Variants in ERBB4 observed in about 807,000 individuals in gnomAD.
ERBB4 encodes receptor tyrosine-protein kinase erbB-4.
Under a neutral mutation model 158.0 loss-of-function variants are expected in ERBB4, and 42 were observed. The ratio of observed to expected loss-of-function variants is 0.27; its 90% CI spans 0.21 to 0.34. The LOEUF is 0.34. Among genes scored for constraint, ERBB4 ranks in the 10% least tolerant of loss-of-function variants. ERBB4 has a pLI of 1.00. For synonymous variants in ERBB4, 583 were observed against 558.7 expected, an observed-to-expected ratio of 1.04 and a Z score of -0.61; for missense variants, 1,333 against 1,624.1, an observed-to-expected ratio of 0.82 and a Z score of 3.08.
rs1559703476 is a variant in ERBB4, at chr2:212,191,718, CATATA to C, written c.83-66820_83-66816del. Among the ~76,000 whole-genome samples, 311 of 146,350 alleles carry C rather than the reference CATATA, an allele frequency of 2.1e-3. 8 individuals carry two copies. Among genetic ancestry groups the C allele is most frequent in the Non-Finnish European group, 3.6e-3 (240 of 66,512 alleles). ...CATATAACACGTGTTATACATGTTA[CATATA>C]ACACGTGTTATACATGTTACATATA... On this transcript the variant is annotated intron_variant, in intron 1 of 27. Transcript: ENST00000342788.
intron 3 of ERBB4, among the ~76,000 whole-genome samples, chr2:211,815,834 G>C (rs1453761362): frequency 1.3e-5 from 2 of 152,132 alleles, no homozygotes; most frequent in African/African-American, 4.8e-5. Flanking sequence ...CAGAAGAAGG[G>C]GGATAAGCAG....
intron 2 of ERBB4, among the ~76,000 whole-genome samples, chr2:212,025,143 C>G (rs557148996): frequency 6.6e-6 from 1 of 151,868 alleles, no homozygotes; most frequent in South Asian, 2.1e-4. Context: ...TACTGGTACA[C>G]GGTAACTCCT....
intron 3 of ERBB4, among the ~76,000 whole-genome samples, chr2:211,876,220 T>C (rs571204521): frequency 1.8e-4 from 28 of 152,178 alleles, no homozygotes; most frequent in Non-Finnish European, 4.0e-4. Context: ...ACTTAGAGAA[T>C]ACCAATTTTG....
chr2:211,591,819 T>C lies in ERBB4; in HGVS notation c.2301+27358A>G, dbSNP rs187186535. 3.9e-5 allele frequency among the ~76,000 whole-genome samples: 6 copies of C among 152,350 alleles called. No homozygotes were observed. The East Asian group carries it at 1.2e-3, about 29-fold the overall frequency. ...CCCAGTGTGAATCCTGCCTGAAATA[T>C]AAAAACCATGTAACTTTAGCTAGTA... On this transcript the variant is annotated intron_variant, in intron 19 of 27. Transcript: ENST00000342788.
At chr2:212,108,705 G>GTTT (rs1559511914) in intron 2 of ERBB4, among the ~76,000 whole-genome samples, 83 of 87,410 alleles carry the variant, frequency 9.5e-4, no homozygotes, top group Middle Eastern at 7.5e-3. Context: ...AAATGGGTCT[G>GTTT]CTTTTTTTTT....
chr2:211,399,560 G>T (rs1321755540), intron 25 of ERBB4, among the ~76,000 whole-genome samples: 1 of 152,130 alleles, frequency 6.6e-6, no homozygotes, highest in African/African-American at 2.4e-5. Context: ...ATCTCATCTA[G>T]TACACTCTTC....
rs1166031214 is a variant in ERBB4 at position 211,630,577 on chromosome 2, G to A, written c.1964C>T (p.Ala655Val). ...AATGAAGAGCCCACCAATTACTCCA[G>A]CTGCAATCAGGGGAGTTCTGACAAC... The part of the protein sequence containing the change: ...PQHARTPLIA[A>V]GVIGGLFILV... Residue 655 changes from alanine to valine, a missense_variant, in exon 17 of 28, where the codon GCT becomes GTT. Transcript: ENST00000342788. 5.6e-6 allele frequency: 9 copies of A among 1,612,744 alleles called. No individual in the cohort carries two copies. Among genetic ancestry groups the A allele is most frequent in the Non-Finnish European group, 7.6e-6 (9 of 1,179,604 alleles).
chr2:212,435,390 C>T (rs535499727), intron 1 of ERBB4, among the ~76,000 whole-genome samples: 1 of 152,008 alleles, frequency 6.6e-6, no homozygotes, highest in South Asian at 2.1e-4. Context: ...TTTTGGACAC[C>T]ATAAATAATT....
chr2:211,381,325 T>C lies in ERBB4; in HGVS notation c.*2290A>G. On this transcript the variant is annotated 3_prime_UTR_variant, in exon 28 of 28. Transcript: ENST00000342788. ...TTTAATGGTGAAGTTAGACTCTAGATAGGCTAATTAGTCAGTGATGCAATA... is the reference window on the plus strand; with the variant it reads ...TTTAATGGTGAAGTTAGACTCTAGACAGGCTAATTAGTCAGTGATGCAATA... 1 of 232,318 alleles carries C rather than the reference T, an allele frequency of 4.3e-6. No individual in the cohort carries two copies. Among genetic ancestry groups the C allele is most frequent in the Non-Finnish European group, 8.5e-6 (1 of 117,460 alleles). 14.4% of individuals were successfully genotyped at this position (232,318 alleles called of 1,614,324 possible). A position where few individuals can be genotyped will look rare whatever the true frequency, so the allele number is the denominator to read the frequency against.
intron 20 of ERBB4, chr2:211,535,766 A>T (rs903481348): frequency 5.2e-5 from 8 of 152,638 alleles, no homozygotes; most frequent in Non-Finnish European, 8.8e-5. Context: ...GATTACTAAA[A>T]TCATATGTGT....
At chr2:212,209,377 T>A (rs911353980) in intron 1 of ERBB4, among the ~76,000 whole-genome samples, 1 of 152,168 alleles carries the variant, frequency 6.6e-6, no homozygotes, top group Non-Finnish European at 1.5e-5. Flanking sequence ...AAATGGCTAA[T>A]CTAAAAACAT....
At chr2:211,515,909 TATA>T (rs2066012557) in intron 20 of ERBB4, among the ~76,000 whole-genome samples, 2 of 92,444 alleles carry the variant, frequency 2.2e-5, no homozygotes, top group Admixed American at 1.1e-4. Flanking sequence ...TATATATATA[TATA>T]TTTTTTTTTT....
chr2:212,399,078 G>A (rs1362870592), intron 1 of ERBB4, among the ~76,000 whole-genome samples: 1 of 151,922 alleles, frequency 6.6e-6, no homozygotes, highest in Non-Finnish European at 1.5e-5. Flanking sequence ...CAATTAGCTG[G>A]ACTAAAGATG....
At chr2:211,835,276 C>A (rs577980668) in intron 3 of ERBB4, among the ~76,000 whole-genome samples, 20 of 152,164 alleles carry the variant, frequency 1.3e-4, no homozygotes, top group Non-Finnish European at 2.1e-4. Context: ...AGCAAATAAT[C>A]CAGATGAATA....
At chr2:211,425,629 T>C (rs1201155962) in intron 22 of ERBB4, among the ~76,000 whole-genome samples, 3 of 151,774 alleles carry the variant, frequency 2.0e-5, no homozygotes, top group Non-Finnish European at 4.4e-5. Context: ...AGAATATATA[T>C]ATATGTTTTA....
intron 14 of ERBB4, among the ~76,000 whole-genome samples, chr2:211,667,977 G>T (rs1216312049): frequency 6.6e-6 from 1 of 152,046 alleles, no homozygotes; most frequent in Non-Finnish European, 1.5e-5. Context: ...TTTCATCATT[G>T]CGCAGATATC....
chr2:211,489,760 A>G (rs2065293107), intron 20 of ERBB4, among the ~76,000 whole-genome samples: 1 of 145,786 alleles, frequency 6.9e-6, no homozygotes, highest in Admixed American at 7.0e-5. Context: ...GAAGCTATGC[A>G]GTACTAATGT....
chr2:212,251,699 A>G (rs927006547), intron 1 of ERBB4, among the ~76,000 whole-genome samples: 1 of 151,880 alleles, frequency 6.6e-6, no homozygotes, highest in East Asian at 1.9e-4. Context: ...GTATTTTTTA[A>G]AAAAAAGGTT....
chr2:211,927,712 G>GA (rs1559118364), intron 3 of ERBB4, among the ~76,000 whole-genome samples: 2 of 146,808 alleles, frequency 1.4e-5, no homozygotes, highest in African/African-American at 2.5e-5. Flanking sequence ...ACTCGCAAAA[G>GA]TTTTTTTTTT....
Sources: gnomAD v4.1 joint callset for allele counts (sites outside exome capture counted in the v4.1 genomes callset) on GRCh38, gnomAD v4.1.1 for gene constraint, MANE v1.5 for transcripts, NCBI Gene and HGNC (gene_info 2026-07-23, HGNC 2026-07-21) for gene names.